FHIT: variants seen among roughly 807,000 people sequenced by gnomAD.
FHIT encodes bis(5'-adenosyl)-triphosphatase.
A neutral mutation model predicts 17.9 loss-of-function variants in FHIT; 19 were observed. That is an observed-to-expected ratio of 1.06 (90% CI 0.74 to 1.56). FHIT has a LOEUF of 1.56. Ranked by LOEUF, FHIT falls within the 40% of genes most tolerant of loss-of-function variation. FHIT has a pLI of 0.00. For synonymous variants in FHIT, 81 were observed against 69.7 expected (o/e 1.16, Z -0.81); for missense variants, 248 against 189.2 (o/e 1.31, Z -1.82).
chr3:60,453,470 G>C (rs996043225), intron 5 of FHIT, among the ~76,000 whole-genome samples: 1 of 152,148 alleles, frequency 6.6e-6, no homozygotes, highest in Non-Finnish European at 1.5e-5. Context: ...CACCAGGCTA[G>C]GATGCAACAT....
intron 3 of FHIT, among the ~76,000 whole-genome samples, chr3:60,900,364 A>C (rs111591988): frequency 6.6e-6 from 1 of 151,986 alleles, no homozygotes; most frequent in Admixed American, 6.6e-5. Flanking sequence ...GTTTGAGGCT[A>C]TAGTGCACTA....
At chr3:60,672,705 T>C (rs2040534397) in intron 4 of FHIT, among the ~76,000 whole-genome samples, 1 of 152,208 alleles carries the variant, frequency 6.6e-6, no homozygotes, top group Non-Finnish European at 1.5e-5. Flanking sequence ...AGTCCATTTA[T>C]ATTTAATGTA....
intron 1 of FHIT, among the ~76,000 whole-genome samples, chr3:61,231,029 C>T (rs1025239866): frequency 2.0e-5 from 3 of 152,058 alleles, no homozygotes; most frequent in South Asian, 2.1e-4. Context: ...ATGTTCACAA[C>T]AGTAAAATGG....
intron 8 of FHIT, among the ~76,000 whole-genome samples, chr3:59,902,789 A>G (rs1481260746): frequency 6.6e-6 from 1 of 152,198 alleles, no homozygotes; most frequent in African/African-American, 2.4e-5. Context: ...ACCAAGGGCC[A>G]GGCATGGGGG....
chr3:59,912,402 G>A (rs189243635), intron 8 of FHIT, among the ~76,000 whole-genome samples: 47 of 152,330 alleles, frequency 3.1e-4, no homozygotes, highest in African/African-American at 1.1e-3. Context: ...TTCAGCCTCA[G>A]TCTTCAATAT....
chr3:60,847,591 T>A (rs1182589792), intron 3 of FHIT, among the ~76,000 whole-genome samples: 1 of 152,162 alleles, frequency 6.6e-6, no homozygotes, highest in African/African-American at 2.4e-5. Context: ...ACTCATGTTA[T>A]CCATTCATTC....
intron 4 of FHIT, among the ~76,000 whole-genome samples, chr3:60,593,822 C>CT (rs2038171973): frequency 6.6e-6 from 1 of 152,076 alleles, no homozygotes. Flanking sequence ...CATTTCTCCC[C>CT]TGCCACATGC....
At chr3:60,026,883 G>C (rs1296186914) in intron 5 of FHIT, among the ~76,000 whole-genome samples, 1 of 152,094 alleles carries the variant, frequency 6.6e-6, no homozygotes, top group Non-Finnish European at 1.5e-5. Flanking sequence ...TGGGTCACTT[G>C]AGATCAGGAG....
chr3:60,036,815 T>G (rs901584301), intron 5 of FHIT, among the ~76,000 whole-genome samples: 4 of 152,196 alleles, frequency 2.6e-5, no homozygotes, highest in Non-Finnish European at 5.9e-5. Flanking sequence ...TAGAGACACA[T>G]TGGGCCATAT....
chr3:60,638,766 G>T (rs549284044), intron 4 of FHIT, among the ~76,000 whole-genome samples: 1 of 152,042 alleles, frequency 6.6e-6, no homozygotes, highest in Non-Finnish European at 1.5e-5. Flanking sequence ...GAAGAAACGT[G>T]TTTAAGAATG....
chr3:59,829,389 C>G (rs2106696357), intron 8 of FHIT, among the ~76,000 whole-genome samples: 1 of 152,128 alleles, frequency 6.6e-6, no homozygotes, highest in East Asian at 1.9e-4. Flanking sequence ...TATCTCTGCA[C>G]CAGCAGTAGG....
At chr3:59,988,978 C>G (rs572146776) in intron 7 of FHIT, among the ~76,000 whole-genome samples, 1 of 152,034 alleles carries the variant, frequency 6.6e-6, no homozygotes, top group Non-Finnish European at 1.5e-5. Context: ...AATGAATGCT[C>G]TAAGTATTTT....
At chr3:60,379,204 C>A (rs1576567963) in intron 5 of FHIT, among the ~76,000 whole-genome samples, 1 of 152,028 alleles carries the variant, frequency 6.6e-6, no homozygotes. Flanking sequence ...TGCAAGGCAC[C>A]CTGAGGCCAT....
In FHIT at chr3:60,617,552, G is replaced by A. The variant is rs1400306007; in HGVS notation, c.-17-80573C>T. ...TACCAAGCAGGTAAAAACTAACATT[G>A]AATTTTTACAGGCAAGTTTCAATTT... is the stretch of plus-strand genomic sequence containing the variant. On this transcript the variant is annotated intron_variant, in intron 4 of 9. Coordinates refer to ENST00000492590, the MANE Select transcript of FHIT (RefSeq NM_002012.4). The A allele has an allele frequency of 2.6e-5, 4 of 152,654 alleles. No individual in the cohort carries two copies. In the Admixed American group the frequency reaches 2.6e-4, roughly 10 times the overall value. The allele number at this position is 152,654 out of a possible 1,614,324, so 9.5% of individuals were successfully genotyped here.
intron 3 of FHIT, among the ~76,000 whole-genome samples, chr3:60,846,350 G>A (rs575575666): frequency 3.3e-5 from 5 of 152,268 alleles, no homozygotes; most frequent in Admixed American, 3.3e-4. Context: ...AACACATTTA[G>A]GTATGTAGGA....
rs147735132 is a variant in FHIT, at chr3:60,220,527, T to A, written c.104-206375A>T. On this transcript the variant is annotated intron_variant, in intron 5 of 9. Transcript: ENST00000492590. ...TTTTATTTTAAATGATTTATATAAT[T>A]TCTAAGATGAATTCAAATTATTTAT... 9.2e-5 allele frequency among the ~76,000 whole-genome samples: 14 copies of A among 152,338 alleles called. No homozygotes were observed. The East Asian group carries it at 2.5e-3, about 27-fold the overall frequency.
At chr3:59,901,542 G>A (rs1048497084) in intron 8 of FHIT, among the ~76,000 whole-genome samples, 4 of 152,134 alleles carry the variant, frequency 2.6e-5, no homozygotes, top group Non-Finnish European at 5.9e-5. Flanking sequence ...TTAGCTATCA[G>A]GGATGCCTCA....
At chr3:60,506,267 G>T (rs1292034667) in intron 5 of FHIT, among the ~76,000 whole-genome samples, 1 of 152,172 alleles carries the variant, frequency 6.6e-6, no homozygotes, top group African/African-American at 2.4e-5. Context: ...AGGGTGGAGG[G>T]TAGGTGGGAA....
intron 5 of FHIT, among the ~76,000 whole-genome samples, chr3:60,464,473 A>G (rs181485237): frequency 2.0e-5 from 3 of 152,130 alleles, no homozygotes; most frequent in Admixed American, 6.6e-5. Context: ...CATATGTAAC[A>G]ACATCTGTGT....
Sources: gnomAD v4.1 joint callset for allele counts (sites outside exome capture counted in the v4.1 genomes callset) on GRCh38, gnomAD v4.1.1 for gene constraint, MANE v1.5 for transcripts, NCBI Gene and HGNC (gene_info 2026-07-23, HGNC 2026-07-21) for gene names.